L3MBTL4: variants seen among roughly 807,000 people sequenced by gnomAD.
L3MBTL4 encodes lethal(3)malignant brain tumor-like protein 4.
Under a neutral mutation model 84.5 loss-of-function variants are expected in L3MBTL4, and 70 were observed. The observed-to-expected ratio is 0.83, with a 90% confidence interval of 0.68 to 1.01. The LOEUF (loss-of-function observed/expected upper bound fraction) is 1.01. L3MBTL4 is among the 50% of genes least tolerant of loss of function. L3MBTL4 has a pLI of 0.00. For synonymous variants in L3MBTL4, 274 were observed against 259.8 expected (o/e 1.05, Z -0.52); for missense variants, 715 against 754.8 (o/e 0.95, Z 0.62).
At chr18:6,258,506 T>C (rs1260720886) in intron 5 of L3MBTL4, among the ~76,000 whole-genome samples, 1 of 152,088 alleles carries the variant, frequency 6.6e-6, no homozygotes, top group Non-Finnish European at 1.5e-5. Flanking sequence ...TGGGCTGAGC[T>C]GGCCAGGGAA....
intron 16 of L3MBTL4, among the ~76,000 whole-genome samples, chr18:5,974,250 C>T (rs535850211): frequency 6.6e-6 from 1 of 152,282 alleles, no homozygotes; most frequent in African/African-American, 2.4e-5. Context: ...ATACTGTACC[C>T]TCAAGTTTCC....
At chr18:6,373,540 G>T (rs2054246374) in intron 1 of L3MBTL4, among the ~76,000 whole-genome samples, 1 of 152,250 alleles carries the variant, frequency 6.6e-6, no homozygotes, top group Non-Finnish European at 1.5e-5. Context: ...CACACAGTGA[G>T]ATCTTAGAGC....
At chr18:6,118,165 A>G (rs2059413189) in intron 14 of L3MBTL4, among the ~76,000 whole-genome samples, 1 of 128,412 alleles carries the variant, frequency 7.8e-6, no homozygotes, top group Non-Finnish European at 1.7e-5. Flanking sequence ...AACTGCATGC[A>G]AACTCACTCT....
intron 12 of L3MBTL4, among the ~76,000 whole-genome samples, chr18:6,181,791 T>C (rs2044484478): frequency 6.6e-6 from 1 of 152,226 alleles, no homozygotes; most frequent in African/African-American, 2.4e-5. Flanking sequence ...ATTAGTTCAC[T>C]TAGGATAACG....
chr18:6,023,512 A>G (rs971692349), intron 16 of L3MBTL4, among the ~76,000 whole-genome samples: 71 of 152,344 alleles, frequency 4.7e-4, no homozygotes, highest in African/African-American at 1.7e-3. Context: ...ATGAAATGAG[A>G]AAGTAAATAA....
Position 6,166,350 on chromosome 18 carries a change from C to T in L3MBTL4, c.1096+5478G>A, listed in dbSNP as rs148812064. Among the ~76,000 whole-genome samples, 271 of 150,612 alleles carry T rather than the reference C, an allele frequency of 1.8e-3. 1 individual carries two copies. Among genetic ancestry groups the T allele is most frequent in the Middle Eastern group, 0.01 (3 of 294 alleles). On this transcript the variant is annotated intron_variant, in intron 13 of 18. Transcript: ENST00000317931. Reference sequence around the variant, plus strand: ...GGACCTAATAGACATCTACAGAACTCTCCACCCCAAACAACAGAATATACA... The same window carrying T: ...GGACCTAATAGACATCTACAGAACTTTCCACCCCAAACAACAGAATATACA...
At chr18:6,149,050 T>G (rs1390054717) in intron 13 of L3MBTL4, among the ~76,000 whole-genome samples, 1 of 152,142 alleles carries the variant, frequency 6.6e-6, no homozygotes, top group Non-Finnish European at 1.5e-5. Context: ...TTTAAAAATT[T>G]TTTTATTATT....
At chr18:6,010,655 G>A (rs973270771) in intron 16 of L3MBTL4, among the ~76,000 whole-genome samples, 16 of 152,158 alleles carry the variant, frequency 1.1e-4, no homozygotes, top group African/African-American at 2.9e-4. Flanking sequence ...CCCGCAACCC[G>A]CTTTAACCCA....
intron 13 of L3MBTL4, among the ~76,000 whole-genome samples, chr18:6,159,680 C>T (rs1202111275): frequency 6.6e-6 from 1 of 152,208 alleles, no homozygotes; most frequent in Non-Finnish European, 1.5e-5. Context: ...CCTGAAGGGC[C>T]AGCACCACCA....
chr18:6,012,688 G>A (rs1439994553), intron 16 of L3MBTL4, among the ~76,000 whole-genome samples: 4 of 150,774 alleles, frequency 2.7e-5, no homozygotes, highest in Admixed American at 6.6e-5. Flanking sequence ...AAAATTAGCC[G>A]ATTGAGCCCA....
chr18:6,263,067 G>GA (rs2048475973), intron 5 of L3MBTL4, among the ~76,000 whole-genome samples: 1 of 152,164 alleles, frequency 6.6e-6, no homozygotes, highest in Non-Finnish European at 1.5e-5. Context: ...GAGGTCAGGA[G>GA]ATGGAGACCA....
In L3MBTL4 at chr18:5,956,236, T is replaced by G. The variant is rs942723182; in HGVS notation, c.1829A>C (p.Gln610Pro). The change falls in exon 19 of 19, where the codon CAA becomes CCA. Residue 610 changes from glutamine to proline, a missense_variant. Physicochemically the swap from Gln to Pro is moderately conservative, Grantham distance 76. Transcript: ENST00000317931. ...GGAGCCCATTCATCCCCTGACTTCTTGGCCTGAGGCAATATCTTCTTCAGG... is the reference window on the plus strand; with the variant it reads ...GGAGCCCATTCATCCCCTGACTTCTGGGCCTGAGGCAATATCTTCTTCAGG... ...ELPEEDIASG[Q>P]EVRG 6.2e-7 allele frequency: 1 copy of G among 1,613,410 alleles called. No homozygotes were observed. Among genetic ancestry groups the G allele is most frequent in the Non-Finnish European group, 8.5e-7 (1 of 1,179,844 alleles).
intron 12 of L3MBTL4, among the ~76,000 whole-genome samples, chr18:6,205,302 ATTC>A (rs1397847031): frequency 6.6e-6 from 1 of 152,202 alleles, no homozygotes; most frequent in Non-Finnish European, 1.5e-5. Context: ...AAGGAAACAG[ATTC>A]TTCTCCAGAG....
intron 5 of L3MBTL4, among the ~76,000 whole-genome samples, chr18:6,255,608 A>T (rs1349888569): frequency 6.6e-6 from 1 of 152,188 alleles, no homozygotes; most frequent in African/African-American, 2.4e-5. Context: ...TATTTTTAAA[A>T]TACAGTTCCT....
intron 1 of L3MBTL4, among the ~76,000 whole-genome samples, chr18:6,407,348 T>A (rs1179214920): frequency 2.6e-5 from 4 of 152,122 alleles, no homozygotes; most frequent in African/African-American, 9.7e-5. Flanking sequence ...CAGTCACATA[T>A]CTTCTAGGAA....
At chr18:6,058,488 G>T (rs1470789925) in intron 16 of L3MBTL4, among the ~76,000 whole-genome samples, 1 of 151,470 alleles carries the variant, frequency 6.6e-6, no homozygotes, top group Admixed American at 6.6e-5. Flanking sequence ...TGTTTTTGTT[G>T]TTTTTTTTCA....
At position 6,272,090 on chromosome 18, in the gene L3MBTL4, G is replaced by A. The variant is rs569524487; in HGVS notation, c.128-8052C>T. Among the ~76,000 whole-genome samples the A allele has an allele frequency of 2.6e-4, 39 of 152,292 alleles. 1 individual carries two copies. Among genetic ancestry groups the A allele is most frequent in the African/African-American group, 8.7e-4 (36 of 41,552 alleles). On this transcript the variant is annotated intron_variant, in intron 4 of 18. Transcript: ENST00000317931. ...GTTGCTGTTAAGCGTATCAGGAGACGGGACGTCTCAGTTCTTCCGTTGAGG... is the reference window on the plus strand; with the variant it reads ...GTTGCTGTTAAGCGTATCAGGAGACAGGACGTCTCAGTTCTTCCGTTGAGG...
intron 16 of L3MBTL4, chr18:6,031,723 G>T: frequency 1.0e-6 from 1 of 985,448 alleles, no homozygotes; most frequent in Non-Finnish European, 1.2e-6. Flanking sequence ...AGAGGAACAA[G>T]AGATGAAGGG....
intron 16 of L3MBTL4, among the ~76,000 whole-genome samples, chr18:5,988,632 G>T (rs373361366): frequency 1.6e-4 from 25 of 152,122 alleles, no homozygotes; most frequent in African/African-American, 6.0e-4. Flanking sequence ...CCAGAGTAAT[G>T]AGTCAATATA....
Sources: gnomAD v4.1 joint callset for allele counts (sites outside exome capture counted in the v4.1 genomes callset) on GRCh38, gnomAD v4.1.1 for gene constraint, MANE v1.5 for transcripts, NCBI Gene and HGNC (gene_info 2026-07-23, HGNC 2026-07-21) for gene names.